The following CELA3B variants were observed in gnomAD, a reference collection of about 807,000 sequenced individuals.
The protein encoded by CELA3B is chymotrypsin-like elastase family member 3B.
Under a neutral mutation model 37.2 loss-of-function variants are expected in CELA3B, and 34 were observed. The observed-to-expected ratio is 0.91, with a 90% CI of 0.70 to 1.22. CELA3B has a LOEUF of 1.22. CELA3B is among the 50% of genes most tolerant of loss of function. The probability of loss-of-function intolerance (pLI) is 0.00; values close to 1 mark genes in which losing one functional copy is unlikely to be tolerated. For synonymous variants in CELA3B, 127 were observed against 143.5 expected, an observed-to-expected ratio of 0.89 and a Z score of 0.82; for missense variants, 340 against 363.1, an observed-to-expected ratio of 0.94 and a Z score of 0.52.
rs1180782395 is a variant in CELA3B at position 21,994,845 on chromosome 1, T to C, written c.505-3306T>C. ...CGAAACCTTCTCTCTACAAAAAATA[T>C]TTTAAAATTAGCTGGGCGTGGTGGT... On this transcript the variant is annotated intron_variant, in intron 4 of 4. Transcript: ENST00000400277. Among the ~76,000 whole-genome samples, 2 of 150,042 alleles carry C rather than the reference T, an allele frequency of 1.3e-5. 1 individual carries two copies. Among genetic ancestry groups the C allele is most frequent in the African/African-American group, 5.0e-5 (2 of 40,316 alleles).
chr1:21,977,135 C>T, intron 1 of CELA3B, 53 bp downstream of exon 1: 2 of 1,611,482 alleles, frequency 1.2e-6, no homozygotes, highest in Non-Finnish European at 1.7e-6. Context: ...ATTAGGAATC[C>T]TTGAAATCTA....
chr1:21,992,961 T>C (rs1644874822), downstream of CELA3B, among the ~76,000 whole-genome samples: 2 of 144,638 alleles, frequency 1.4e-5, no homozygotes, highest in African/African-American at 5.5e-5. Flanking sequence ...GATTGAGACC[T>C]TGTCTCCAAA....
At chr1:21,993,330 C>T (rs547811614), downstream of CELA3B, among the ~76,000 whole-genome samples, 64 of 150,648 alleles carry the variant, frequency 4.2e-4, 2 homozygotes, top group East Asian at 9.8e-4. Context: ...AGCATGGTGG[C>T]GCGTGCCTGT....
chr1:21,980,992 G>A lies in CELA3B; in HGVS notation c.228-46G>A. ...GAGGGTGGGTGATGATGGGGAAGGA[G>A]GGAGGTAGCCAGTCAGGCCCAGACT... On this transcript the variant is annotated intron_variant, in intron 3 of 7. Transcript: ENST00000337107. 8 of 1,614,094 alleles carry A rather than the reference G, an allele frequency of 5.0e-6. No homozygotes were observed. The South Asian group carries it at 6.6e-5, about 13-fold the overall frequency.
In CELA3B at chr1:21,997,211, A is replaced by G. The variant is rs1441055433; in HGVS notation, c.505-940A>G. 2.0e-5 allele frequency among the ~76,000 whole-genome samples: 3 copies of G among 149,330 alleles called. 1 individual carries two copies. Among genetic ancestry groups the G allele is most frequent in the African/African-American group, 7.5e-5 (3 of 39,968 alleles). ...CCCATCTCTACTAAAAATACAAAAAATTAGCCGGGCGTGGTGGTACATGCC... is the reference window on the plus strand; with the variant it reads ...CCCATCTCTACTAAAAATACAAAAAGTTAGCCGGGCGTGGTGGTACATGCC... On this transcript the variant is annotated intron_variant, in intron 4 of 4. Transcript: ENST00000400277.
At chr1:21,995,602 C>CA (rs1224818233) in intron 4 of CELA3B, among the ~76,000 whole-genome samples, 2 of 151,058 alleles carry the variant, frequency 1.3e-5, no homozygotes, top group Non-Finnish European at 1.5e-5. Flanking sequence ...ATCCCCTTCC[C>CA]TTTTTTTCAT....
chr1:21,982,812 G>T (rs1166251171), intron 4 of CELA3B, among the ~76,000 whole-genome samples: 13 of 148,960 alleles, frequency 8.7e-5, no homozygotes, highest in African/African-American at 3.2e-4. Context: ...CGGGTAGCTG[G>T]GACTGCAGGT....
chr1:21,979,443 CTTTTCTTTTCTT>C (rs1326088148), intron 2 of CELA3B, among the ~76,000 whole-genome samples: 3 of 106,436 alleles, frequency 2.8e-5, no homozygotes, highest in African/African-American at 1.0e-4. Context: ...TTTTTCTTTT[CTTTTCTTTTCTT>C]TTTTTTTTTT....
downstream of CELA3B, among the ~76,000 whole-genome samples, chr1:21,994,079 C>T (rs1444384321): frequency 6.6e-6 from 1 of 151,672 alleles, no homozygotes; most frequent in Non-Finnish European, 1.5e-5. Flanking sequence ...CCTTGTGTGC[C>T]TGCCCTGCAG....
intron 7 of CELA3B, among the ~76,000 whole-genome samples, chr1:21,988,903 A>C (rs542658138): frequency 3.9e-5 from 4 of 103,346 alleles, no homozygotes; most frequent in Non-Finnish European, 5.0e-5. Context: ...AAGAAAAAAA[A>C]CTCCAAAAAT....
In CELA3B at chr1:21,986,571, G is replaced by A. The variant is rs1430386554; in HGVS notation, c.683G>A (p.Gly228Asp). 1.9e-6 allele frequency: 3 copies of A among 1,613,972 alleles called. No individual in the cohort carries two copies. Among genetic ancestry groups the A allele is most frequent in the Non-Finnish European group, 2.5e-6 (3 of 1,180,026 alleles). The change falls in exon 7 of 8, where the codon GGT (glycine) becomes GAT (aspartate). Residue 228 changes from glycine (G) to aspartate (D), a missense_variant. By Grantham distance (94) the Gly-to-Asp change is moderately conservative (BLOSUM62 -1). Transcript: ENST00000337107. ...GGPLNCPTED[G>D]GWQVHGVTSF... ...CCCCTCAACTGCCCCACAGAGGATGGTGGCTGGCAGGTCCATGGCGTGACC... is the reference window on the plus strand; with the variant it reads ...CCCCTCAACTGCCCCACAGAGGATGATGGCTGGCAGGTCCATGGCGTGACC...
chr1:21,990,074 A>T (rs1644863829), downstream of CELA3B, among the ~76,000 whole-genome samples: 1 of 150,770 alleles, frequency 6.6e-6, no homozygotes, highest in African/African-American at 2.5e-5. Context: ...GCAAAGGGGG[A>T]AGAGCCCCTT....
At position 21,981,153 on chromosome 1, in the gene CELA3B, C is replaced by T. The variant is rs370298538; in HGVS notation, c.343C>T (p.Arg115Cys). 6.8e-6 allele frequency: 11 copies of T among 1,612,110 alleles called. 1 individual carries two copies. The highest frequency in any genetic ancestry group is 2.2e-4 in the Middle Eastern group (1 of 4,592). The change falls in exon 4 of 8, where the codon CGC becomes TGC. Residue 115 changes from arginine to cysteine, a missense_variant. By Grantham distance (180) the Arg-to-Cys change is radical. Coordinates refer to ENST00000337107, the MANE Select transcript of CELA3B (RefSeq NM_007352.4). ...CCTCTTTGTGCATCCACTCTGGAAC[C>T]GCTCGTGTGTGGCCTGTGGGTGAGT... The part of the protein sequence containing the change: ...GDLFVHPLWN[R>C]SCVACGNDIA...
At position 21,984,167 on chromosome 1, in the gene CELA3B, TCG is replaced by T; in HGVS notation, c.500-21_500-20del. On this transcript the variant is annotated intron_variant, in intron 5 of 7. Coordinates refer to ENST00000337107, the MANE Select transcript of CELA3B (RefSeq NM_007352.4). ...AGCCCTGTGCCCCCAGACCCCTGAC[TCG>T]GTGCTTTTTATCGCTGCAGCCAACG... 1 of 1,608,872 alleles carries T rather than the reference TCG, an allele frequency of 6.2e-7. No homozygotes were observed. The highest frequency in any genetic ancestry group is 8.5e-7 in the Non-Finnish European group (1 of 1,177,136).
chr1:21,981,685 G>T (rs7553024), intron 4 of CELA3B, among the ~76,000 whole-genome samples: 5 of 151,508 alleles, frequency 3.3e-5, no homozygotes, highest in Non-Finnish European at 7.4e-5. Flanking sequence ...TGGTTGTGAA[G>T]GCCAAGGAGA....
chr1:21,983,616 T>G (rs1289942462), intron 4 of CELA3B, 78 bp from the exon 5 acceptor site: 1 of 1,577,332 alleles, frequency 6.3e-7, no homozygotes, highest in Non-Finnish European at 8.6e-7. Context: ...AGAGGCGGAA[T>G]AGCCTGGAGC....
At chr1:21,998,411 G>A (rs1194794183) in exon 5 of CELA3B, 7 of 311,406 alleles carry the variant, frequency 2.2e-5, no homozygotes, top group Admixed American at 8.1e-5. Context: ...GTTCTAGTGG[G>A]TCCATTTATC....
intron 4 of CELA3B, among the ~76,000 whole-genome samples, chr1:21,996,729 G>A (rs1377900651): frequency 1.3e-5 from 2 of 150,908 alleles, no homozygotes; most frequent in Non-Finnish European, 2.9e-5. Context: ...TGGGGAAAGG[G>A]CTGTGCCTGT....
Position 21,998,464 on chromosome 1 carries a change from A to G in CELA3B, c.*275A>G. 6 of 245,424 alleles carry G rather than the reference A, an allele frequency of 2.4e-5. No individual in the cohort carries two copies. The South Asian group carries it at 3.3e-4, about 14-fold the overall frequency. The allele number at this position is 245,424 out of a possible 1,614,324, so 15.2% of individuals were successfully genotyped here. A position where few individuals can be genotyped will look rare whatever the true frequency, so the allele number is the denominator to read the frequency against. ...ATCTCTAGAATGTGCCCATCAGGAC[A>G]CCATCCAGATGCTGCTGCGCTTTTC... On this transcript the variant is annotated 3_prime_UTR_variant, in exon 5 of 5. Coordinates refer to the CELA3B transcript ENST00000400277.
Sources: allele counts gnomAD v4.1 joint callset (sites outside exome capture counted in the v4.1 genomes callset), GRCh38; gene constraint gnomAD v4.1.1; transcripts MANE v1.5; gene names NCBI Gene and HGNC (gene_info 2026-07-23, HGNC 2026-07-21).